The following MAK variants were observed in gnomAD, a reference collection of about 807,000 sequenced individuals.
The protein encoded by MAK is serine/threonine-protein kinase MAK.
MAK carries 65 observed loss-of-function variants against 82.6 expected under a neutral mutation model. That is an observed-to-expected ratio of 0.79 (90% CI 0.64 to 0.97). MAK has a LOEUF of 0.97. MAK is among the 50% of genes least tolerant of loss of function. The pLI is 0.00. For synonymous variants in MAK, 250 were observed against 274.2 expected, an observed-to-expected ratio of 0.91 and a Z score of 0.87; for missense variants, 703 against 780.2, an observed-to-expected ratio of 0.90 and a Z score of 1.18.
At chr6:10,773,154 G>T in intron 12 of MAK, 46 bp from the exon 13 acceptor site, 1 of 1,081,254 alleles carries the variant, frequency 9.2e-7, no homozygotes, top group Non-Finnish European at 1.3e-6. Context: ...TAAGGAGAAT[G>T]TTATAGGAAA....
chr6:10,789,964 T>C (rs186857544), intron 10 of MAK, among the ~76,000 whole-genome samples: 53 of 152,208 alleles, frequency 3.5e-4, no homozygotes, highest in Middle Eastern at 3.4e-3. Context: ...GCCCAAAATA[T>C]CTTATTGCAC....
chr6:10,837,834 G>A (rs485927), intron 1 of MAK, among the ~76,000 whole-genome samples: 2,036 of 152,252 alleles, frequency 0.013, 50 homozygotes, highest in Admixed American at 0.062. Flanking sequence ...ATCCGACTCT[G>A]CAAACCAGGG....
intron 10 of MAK, 46 bp from the exon 11 acceptor site, chr6:10,784,618 G>GATCTCGCCCATCCTCTGCAC: frequency 1.5e-6 from 2 of 1,335,750 alleles, no homozygotes; most frequent in Non-Finnish European, 2.1e-6. Flanking sequence ...ACAACGAGAG[G>GATCTCGCCCATCCTCTGCAC]ATCTCGCCCA....
intron 11 of MAK, among the ~76,000 whole-genome samples, chr6:10,779,799 CTCAGCCTCCTGTG>C (rs1198938130): frequency 1.3e-5 from 2 of 152,178 alleles, no homozygotes; most frequent in African/African-American, 4.8e-5. Flanking sequence ...ATTCTCCTGC[CTCAGCCTCCTGTG>C]TAGCTGGGAT....
intron 10 of MAK, among the ~76,000 whole-genome samples, chr6:10,788,451 G>A (rs769740212): frequency 2.6e-5 from 4 of 152,088 alleles, no homozygotes; most frequent in South Asian, 2.1e-4. Context: ...TTTTCAAGTC[G>A]CCAGGTGCGG....
chr6:10,764,951 C>A (rs1173174164), intron 14 of MAK, among the ~76,000 whole-genome samples: 1 of 151,970 alleles, frequency 6.6e-6, no homozygotes, highest in Non-Finnish European at 1.5e-5. Flanking sequence ...AAAAAATCAG[C>A]TGAGCGTGGT....
chr6:10,822,051 G>A (rs1460888437), intron 2 of MAK, among the ~76,000 whole-genome samples: 1 of 150,704 alleles, frequency 6.6e-6, no homozygotes, highest in Non-Finnish European at 1.5e-5. Context: ...GGAGGCTGAG[G>A]CAGGAGAATG....
At chr6:10,794,835 A>G (rs991069039) in intron 9 of MAK, among the ~76,000 whole-genome samples, 1 of 151,804 alleles carries the variant, frequency 6.6e-6, no homozygotes, top group African/African-American at 2.4e-5. Flanking sequence ...TCTACTAAAA[A>G]TACAAAATTA....
intron 10 of MAK, among the ~76,000 whole-genome samples, chr6:10,789,310 T>A (rs1389452732): frequency 6.6e-6 from 1 of 152,208 alleles, no homozygotes; most frequent in Admixed American, 6.5e-5. Context: ...CCTATTCTTC[T>A]GTTTCAAAGA....
At chr6:10,810,144 G>A (rs1453283227) in intron 5 of MAK, among the ~76,000 whole-genome samples, 2 of 150,526 alleles carry the variant, frequency 1.3e-5, no homozygotes, top group Non-Finnish European at 3.0e-5. Context: ...AACCCAGGGG[G>A]AAAAGAACAA....
Position 10,791,651 on chromosome 6 carries a change from T to C in MAK, c.1316+24A>G, listed in dbSNP as rs373735070. ...AAAGTTAATGCATGGCAAAAATATT[T>C]TTCTGAGGAATTTGAAATCTTACCG... On this transcript the variant is annotated intron_variant, in intron 10 of 14. Transcript: ENST00000354489. 1.3e-5 allele frequency: 21 copies of C among 1,604,432 alleles called. No individual in the cohort carries two copies. In the African/African-American group the frequency reaches 2.1e-4, roughly 16 times the overall value.
intron 1 of MAK, among the ~76,000 whole-genome samples, chr6:10,837,260 C>G (rs1779203962): frequency 6.6e-6 from 1 of 152,210 alleles, no homozygotes; most frequent in Non-Finnish European, 1.5e-5. Context: ...CCCAAACTAA[C>G]CAAGTCGAAG....
Position 10,763,457 on chromosome 6 carries a change from C to T in MAK, c.*995G>A, listed in dbSNP as rs1772118565. The stretch of plus-strand genomic sequence containing the variant: ...GATTGTCACCTTGAATTCATGGGAA[C>T]TGTACTGGTCAAGATCAAAACACAA... On this transcript the variant is annotated 3_prime_UTR_variant, in exon 15 of 15. Transcript: ENST00000354489. 6.6e-6 allele frequency: 1 copy of T among 151,350 alleles called. No individual in the cohort carries two copies. Among genetic ancestry groups the T allele is most frequent in the South Asian group, 2.1e-4 (1 of 4,820 alleles). The allele number at this position is 151,350 out of a possible 1,614,324, so 9.4% of individuals were successfully genotyped here. A position where few individuals can be genotyped will look rare whatever the true frequency, so the allele number is the denominator to read the frequency against.
intron 1 of MAK, among the ~76,000 whole-genome samples, chr6:10,837,457 T>C (rs1006181526): frequency 2.6e-5 from 4 of 152,200 alleles, no homozygotes; most frequent in Non-Finnish European, 5.9e-5. Flanking sequence ...GTGGCGCGGT[T>C]GGGGGAACTT....
intron 5 of MAK, among the ~76,000 whole-genome samples, chr6:10,811,486 C>A (rs777001240): frequency 6.6e-6 from 1 of 152,196 alleles, no homozygotes. Context: ...ATTTTTAAAT[C>A]GTAATCGAAC....
At chr6:10,815,869 C>T (rs1777428998) in intron 4 of MAK, among the ~76,000 whole-genome samples, 1 of 143,466 alleles carries the variant, frequency 7.0e-6, no homozygotes, top group Admixed American at 7.2e-5. Context: ...ACTTCAATAG[C>T]CACATCTGAC....
In MAK at chr6:10,792,056, C is replaced by T. The variant is rs9467548; in HGVS notation, c.1144-209G>A. Reference sequence around the variant, plus strand: ...TGATAGGTGTTCAGAGGAGAGATCTCTGTGAACTAGGTTGGTGAGAGACTT... The same window carrying T: ...TGATAGGTGTTCAGAGGAGAGATCTTTGTGAACTAGGTTGGTGAGAGACTT... On this transcript the variant is annotated intron_variant, in intron 9 of 14. Transcript: ENST00000354489. Among the ~76,000 whole-genome samples, 1,070 of 152,264 alleles carry T rather than the reference C, an allele frequency of 7.0e-3. 6 individuals carry two copies. The highest frequency in any genetic ancestry group is 0.023 in the African/African-American group (960 of 41,536).
intron 14 of MAK, among the ~76,000 whole-genome samples, chr6:10,767,223 T>C (rs1008533535): frequency 1.3e-5 from 2 of 152,212 alleles, no homozygotes; most frequent in Non-Finnish European, 2.9e-5. Flanking sequence ...CCTCTAGTTA[T>C]GGATTTAATT....
At chr6:10,812,531 A>G (rs950155294) in intron 5 of MAK, among the ~76,000 whole-genome samples, 2 of 152,186 alleles carry the variant, frequency 1.3e-5, no homozygotes, top group African/African-American at 4.8e-5. Flanking sequence ...GGAAAACTAT[A>G]AAACACTGCT....
Sources: allele counts gnomAD v4.1 joint callset (sites outside exome capture counted in the v4.1 genomes callset), GRCh38; gene constraint gnomAD v4.1.1; transcripts MANE v1.5; gene names NCBI Gene and HGNC (gene_info 2026-07-23, HGNC 2026-07-21).